KCNMA1: variants seen among roughly 807,000 people sequenced by gnomAD.
KCNMA1 encodes the protein potassium calcium-activated channel subfamily M alpha 1, also known as Calcium-activated potassium channel subunit alpha-1.
Under a neutral mutation model 140.0 loss-of-function variants are expected in KCNMA1, and 29 were observed. The ratio of observed to expected loss-of-function variants is 0.21; its 90% CI spans 0.15 to 0.28. The LOEUF is 0.28. KCNMA1 is among the 10% of genes least tolerant of loss of function. KCNMA1 has a pLI of 1.00. For synonymous variants in KCNMA1, 612 were observed against 611.9 expected, an observed-to-expected ratio of 1.00 and a Z score of 0.00; for missense variants, 880 against 1,602.2, an observed-to-expected ratio of 0.55 and a Z score of 7.70.
chr10:77,481,723 C>T (rs926962342), intron 1 of KCNMA1, among the ~76,000 whole-genome samples: 10 of 147,112 alleles, frequency 6.8e-5, no homozygotes, highest in African/African-American at 2.0e-4. Flanking sequence ...TGCAGTGAGC[C>T]GAGATCGCAC....
At chr10:77,265,242 G>C (rs1308174708) in intron 2 of KCNMA1, among the ~76,000 whole-genome samples, 2 of 152,058 alleles carry the variant, frequency 1.3e-5, no homozygotes, top group African/African-American at 2.4e-5. Context: ...AGTAGAGACG[G>C]GGTTTCACCA....
intron 2 of KCNMA1, among the ~76,000 whole-genome samples, chr10:77,266,013 G>A (rs746700359): frequency 2.7e-5 from 4 of 150,634 alleles, no homozygotes; most frequent in African/African-American, 7.3e-5. Context: ...CCTGGGAGGC[G>A]GAGGTTGCAG....
chr10:76,923,635 C>T (rs1197940604), intron 23 of KCNMA1, among the ~76,000 whole-genome samples: 5 of 152,120 alleles, frequency 3.3e-5, no homozygotes, highest in Non-Finnish European at 7.4e-5. Flanking sequence ...GGTATCATTG[C>T]TTTCTCCACA....
intron 1 of KCNMA1, chr10:77,635,968 G>A (rs2093686567): frequency 5.8e-6 from 1 of 173,654 alleles, no homozygotes; most frequent in South Asian, 1.5e-4. Context: ...CATAGCCCCA[G>A]GCTTCCCTAC....
intron 1 of KCNMA1, among the ~76,000 whole-genome samples, chr10:77,571,993 C>T (rs188344170): frequency 1.1e-4 from 16 of 152,272 alleles, no homozygotes; most frequent in East Asian, 7.7e-4. Context: ...GAGGAAAAAA[C>T]GCACACGCCT....
intron 13 of KCNMA1, among the ~76,000 whole-genome samples, chr10:77,076,534 T>A (rs2096402618): frequency 6.6e-6 from 1 of 152,172 alleles, no homozygotes; most frequent in Admixed American, 6.5e-5. Context: ...TGGCTCCATT[T>A]AAAGAGTCGG....
intron 1 of KCNMA1, among the ~76,000 whole-genome samples, chr10:77,548,129 G>A (rs2061878405): frequency 6.7e-6 from 1 of 148,394 alleles, no homozygotes; most frequent in South Asian, 2.1e-4. Flanking sequence ...TTATATGGAG[G>A]GAAAAGGATG....
At chr10:76,908,821 G>A (rs1000570254) in intron 25 of KCNMA1, among the ~76,000 whole-genome samples, 3 of 152,176 alleles carry the variant, frequency 2.0e-5, no homozygotes, top group Non-Finnish European at 4.4e-5. Context: ...CCAAAATGAA[G>A]AAGATTTTCT....
At chr10:77,382,988 G>GTATATATATATATATATA (rs2095470217) in intron 2 of KCNMA1, among the ~76,000 whole-genome samples, 1 of 44,978 alleles carries the variant, frequency 2.2e-5, no homozygotes, top group African/African-American at 1.4e-4. Context: ...GTGTGTGTGT[G>GTATATATATATATATATA]TGTGTGTATA....
intron 15 of KCNMA1, among the ~76,000 whole-genome samples, chr10:77,036,090 A>G (rs1375072166): frequency 6.6e-6 from 1 of 152,216 alleles, no homozygotes; most frequent in African/African-American, 2.4e-5. Context: ...TGGAAGGACT[A>G]GACTTGTGAA....
At chr10:77,097,500 T>C (rs1014184973) in intron 9 of KCNMA1, among the ~76,000 whole-genome samples, 2 of 152,184 alleles carry the variant, frequency 1.3e-5, no homozygotes. Flanking sequence ...CTCTATCCCA[T>C]GGTAAGTGCA....
chr10:77,560,859 A>G (rs1263557215), intron 1 of KCNMA1, among the ~76,000 whole-genome samples: 2 of 152,178 alleles, frequency 1.3e-5, no homozygotes, highest in African/African-American at 4.8e-5. Context: ...GGACTTTATA[A>G]TAAACTTGGA....
chr10:77,146,904 A>C (rs996390154), intron 5 of KCNMA1, among the ~76,000 whole-genome samples: 1 of 151,960 alleles, frequency 6.6e-6, no homozygotes, highest in Non-Finnish European at 1.5e-5. Context: ...GGTGTAATGG[A>C]TTGGTCCCCA....
chr10:76,974,118 T>C (rs2076837315), intron 19 of KCNMA1: 1 of 173,730 alleles, frequency 5.8e-6, no homozygotes. Context: ...ATTATGTTAT[T>C]AATCACCACA....
At chr10:77,225,513 A>G (rs2051039069) in intron 3 of KCNMA1, among the ~76,000 whole-genome samples, 1 of 152,198 alleles carries the variant, frequency 6.6e-6, no homozygotes, top group Non-Finnish European at 1.5e-5. Context: ...CAGTGTCCCC[A>G]GTAATTCTCT....
chr10:77,526,965 A>T (rs574053539), intron 1 of KCNMA1, among the ~76,000 whole-genome samples: 1 of 152,320 alleles, frequency 6.6e-6, no homozygotes, highest in Non-Finnish European at 1.5e-5. Flanking sequence ...TACCTCTCTT[A>T]TTACATTGCC....
chr10:76,925,147 A>G (rs2057288677), intron 23 of KCNMA1, among the ~76,000 whole-genome samples: 1 of 152,150 alleles, frequency 6.6e-6, no homozygotes, highest in South Asian at 2.1e-4. Flanking sequence ...AATTATTACT[A>G]AATATATACA....
At chr10:77,304,077 C>T (rs2077126729) in intron 2 of KCNMA1, among the ~76,000 whole-genome samples, 1 of 152,120 alleles carries the variant, frequency 6.6e-6, no homozygotes, top group Non-Finnish European at 1.5e-5. Context: ...GTTGATGGGC[C>T]ATAAGAACCA....
At chr10:77,610,981 G>A (rs2086650603) in intron 1 of KCNMA1, among the ~76,000 whole-genome samples, 1 of 152,234 alleles carries the variant, frequency 6.6e-6, no homozygotes, top group African/African-American at 2.4e-5. Flanking sequence ...CTTAAGCCAT[G>A]AGCTATGTGA....
Sources: allele counts gnomAD v4.1 joint callset (sites outside exome capture counted in the v4.1 genomes callset), GRCh38; gene constraint gnomAD v4.1.1; transcripts MANE v1.5; gene names NCBI Gene and HGNC (gene_info 2026-07-23, HGNC 2026-07-21).